Variants in ZC3HAV1 observed in about 807,000 individuals in gnomAD.
ZC3HAV1 encodes zinc finger CCCH-type antiviral protein 1.
ZC3HAV1 carries 41 observed loss-of-function variants against 86.6 expected under a neutral mutation model. The ratio of observed to expected loss-of-function variants is 0.47; its 90% CI spans 0.37 to 0.61. ZC3HAV1 has a LOEUF of 0.61. ZC3HAV1 is among the 20% of genes least tolerant of loss of function. ZC3HAV1 has a pLI of 0.00. For missense variants in ZC3HAV1, 964 were observed against 1,141.1 expected (o/e 0.84, Z 2.24); for synonymous variants, 421 against 432.1 (o/e 0.97, Z 0.32).
chr7:139,108,122 G>A lies in ZC3HAV1; in HGVS notation c.308+902C>T, dbSNP rs1395226721. 2.0e-5 allele frequency among the ~76,000 whole-genome samples: 3 copies of A among 152,248 alleles called. No individual in the cohort carries two copies. The highest frequency in any genetic ancestry group is 2.9e-5 in the Non-Finnish European group (2 of 68,016). On this transcript the variant is annotated intron_variant, in intron 1 of 12. Transcript: ENST00000242351. The surrounding 1 kb of genome is among the most constrained non-coding windows in gnomAD (Gnocchi z 4.2). ...GGGAGAGGAAGGGCTTGGGATCAAG[G>A]GAAAGGCCTGGGCAGCGAATGTGGA...
chr7:139,065,142 G>C, intron 7 of ZC3HAV1, 143 bp from the exon 8 acceptor site: 1 of 1,099,204 alleles, frequency 9.1e-7, no homozygotes, highest in East Asian at 2.6e-5. Flanking sequence ...CCAGCTCAGG[G>C]CTATGTCACA....
chr7:139,101,236 C>G (rs1817750738), intron 1 of ZC3HAV1, among the ~76,000 whole-genome samples: 1 of 151,666 alleles, frequency 6.6e-6, no homozygotes, highest in Non-Finnish European at 1.5e-5. Context: ...CCCAAAGTGC[C>G]GAGATCGCAG....
intron 6 of ZC3HAV1, 138 bp from the exon 7 acceptor site, chr7:139,074,168 G>C: frequency 1.3e-6 from 1 of 743,202 alleles, no homozygotes; most frequent in Non-Finnish European, 2.0e-6. Flanking sequence ...ATGGCTCCAG[G>C]TCCTACACAT....
chr7:139,072,552 C>T (rs75379392), intron 7 of ZC3HAV1, among the ~76,000 whole-genome samples: 1,658 of 152,212 alleles, frequency 0.011, 29 homozygotes, highest in African/African-American at 0.038. Flanking sequence ...CACCCTGATT[C>T]CATTACCTGC....
intron 6 of ZC3HAV1, 134 bp from the exon 7 acceptor site, chr7:139,074,164 C>G: frequency 1.3e-6 from 1 of 776,552 alleles, no homozygotes; most frequent in South Asian, 2.0e-5. Context: ...TTCCATGGCT[C>G]CAGGTCCTAC....
At position 139,079,577 on chromosome 7, in the gene ZC3HAV1, C is replaced by G. The variant is rs1403439859; in HGVS notation, c.1364G>C (p.Arg455Thr). 1 of 1,614,220 alleles carries G rather than the reference C, an allele frequency of 6.2e-7. No homozygotes were observed. The highest frequency in any genetic ancestry group is 1.3e-5 in the African/African-American group (1 of 75,052). The change falls in exon 4 of 13, where the codon AGA (arginine) becomes ACA (threonine). Residue 455 changes from arginine to threonine, a missense_variant. By Grantham distance (71) the Arg-to-Thr change is moderately conservative. Coordinates refer to ENST00000242351, the MANE Select transcript of ZC3HAV1 (RefSeq NM_020119.4). The stretch of plus-strand genomic sequence containing the variant: ...CTGAATCCTAGGTGATGATATTTCT[C>G]TGTGACCGCTGCTAGTGCTTTTGTA... ...LNYKSTSSGH[R>T]EISSPRIQDA...
At chr7:139,074,794 CA>C (rs1413765337) in intron 6 of ZC3HAV1, among the ~76,000 whole-genome samples, 1 of 151,850 alleles carries the variant, frequency 6.6e-6, no homozygotes, top group South Asian at 2.1e-4. Context: ...TAACATATAG[CA>C]AGCTTATTCT....
chr7:139,100,895 C>A (rs1036261458), intron 1 of ZC3HAV1, among the ~76,000 whole-genome samples: 3 of 152,082 alleles, frequency 2.0e-5, no homozygotes, highest in Admixed American at 6.5e-5. Context: ...GATGCGGAGC[C>A]GAGGCTGGAC....
rs917122843 is a variant in ZC3HAV1 at position 139,045,182 on chromosome 7, T to C, written c.*2412A>G. 3.3e-5 allele frequency: 5 copies of C among 152,154 alleles called. No homozygotes were observed. Among genetic ancestry groups the C allele is most frequent in the African/African-American group, 9.7e-5 (4 of 41,448 alleles). 9.4% of individuals were successfully genotyped at this position (152,154 alleles called of 1,614,324 possible). The stretch of plus-strand genomic sequence containing the variant: ...GTAGGTGGAGCATATTACCTCTGAA[T>C]TGGATTTGGAGGATAATAAAGAAGA... On this transcript the variant is annotated 3_prime_UTR_variant, in exon 13 of 13. Transcript: ENST00000242351.
intron 2 of ZC3HAV1, among the ~76,000 whole-genome samples, chr7:139,087,415 CAG>C (rs35425692): frequency 2.3e-3 from 304 of 132,392 alleles, no homozygotes; most frequent in Non-Finnish European, 2.2e-3. Context: ...GGGACAGAGA[CAG>C]AGAGAGAGAG....
intron 12 of ZC3HAV1, among the ~76,000 whole-genome samples, chr7:139,052,529 A>T (rs1046363440): frequency 6.7e-6 from 1 of 149,400 alleles, no homozygotes; most frequent in Non-Finnish European, 1.5e-5. Context: ...CACTTGAACC[A>T]AGGAGGTGAA....
intron 7 of ZC3HAV1, among the ~76,000 whole-genome samples, chr7:139,065,765 G>T (rs560789687): frequency 5.3e-5 from 8 of 152,164 alleles, no homozygotes; most frequent in East Asian, 1.9e-4. Flanking sequence ...TTAGCTGGAC[G>T]TGGTGGCATG....
At chr7:139,105,047 A>G (rs1379217131) in intron 1 of ZC3HAV1, among the ~76,000 whole-genome samples, 1 of 151,000 alleles carries the variant, frequency 6.6e-6, no homozygotes, top group Non-Finnish European at 1.5e-5. Context: ...AAAAAAAAAA[A>G]AAAAAAGAAA....
intron 8 of ZC3HAV1, 109 bp downstream of exon 8, chr7:139,064,770 T>G: frequency 4.5e-6 from 7 of 1,555,160 alleles, no homozygotes; most frequent in Non-Finnish European, 6.1e-6. Context: ...TGCTAAATCT[T>G]GACCTTGACC....
intron 1 of ZC3HAV1, among the ~76,000 whole-genome samples, chr7:139,100,975 T>C (rs1205494289): frequency 6.6e-6 from 1 of 152,226 alleles, no homozygotes; most frequent in Non-Finnish European, 1.5e-5. Context: ...GCCGAGTGCC[T>C]GCGATTGCAG....
chr7:139,103,890 C>G (rs755593532), intron 1 of ZC3HAV1, among the ~76,000 whole-genome samples: 1 of 152,028 alleles, frequency 6.6e-6, no homozygotes, highest in African/African-American at 2.4e-5. Context: ...ACATAAAATA[C>G]TACATTTTGT....
At chr7:139,092,172 C>G (rs187360809) in intron 1 of ZC3HAV1, among the ~76,000 whole-genome samples, 5 of 152,184 alleles carry the variant, frequency 3.3e-5, no homozygotes, top group Non-Finnish European at 7.4e-5. Context: ...CGTTATCAAT[C>G]GGACGAATTC....
At chr7:139,077,532 C>T (rs538243641) in intron 5 of ZC3HAV1, among the ~76,000 whole-genome samples, 1 of 152,232 alleles carries the variant, frequency 6.6e-6, no homozygotes, top group Non-Finnish European at 1.5e-5. Context: ...GCGTAAGCCA[C>T]CATGCCTGGC....
chr7:139,053,503 C>T lies in ZC3HAV1; in HGVS notation c.2397G>A (p.Ser799=), dbSNP rs61743965. ...TSRAYVESIC[S]NNFDSFLHET... ...CATGTAGGAAACTGTCAAAATTATT[C>T]GAACAGATAGATTCCACATAGGCAC... Residue 799 remains serine, a synonymous_variant, in exon 12 of 13, where the codon TCG becomes TCA. Transcript: ENST00000242351. The T allele has an allele frequency of 7.8e-3, 12,476 of 1,603,306 alleles. 73 individuals carry two copies. The highest frequency in any genetic ancestry group is 9.2e-3 in the Non-Finnish European group (10,870 of 1,176,380).
Sources: allele counts gnomAD v4.1 joint callset (sites outside exome capture counted in the v4.1 genomes callset), GRCh38; gene constraint gnomAD v4.1.1; non-coding constraint Gnocchi (gnomAD v3.1); transcripts MANE v1.5; gene names NCBI Gene and HGNC (gene_info 2026-07-23, HGNC 2026-07-21).